The following SDCCAG8 variants were observed in gnomAD, a reference collection of about 807,000 sequenced individuals.
SDCCAG8 encodes serologically defined colon cancer antigen 8.
Under a neutral mutation model 101.8 loss-of-function variants are expected in SDCCAG8, and 74 were observed. The observed-to-expected ratio is 0.73, with a 90% confidence interval of 0.60 to 0.88. The LOEUF is 0.88. Ranked by LOEUF, SDCCAG8 falls within the 40% of genes least tolerant of loss-of-function variation. The probability of loss-of-function intolerance (pLI) is 0.00; values close to 1 mark genes in which losing one functional copy is unlikely to be tolerated. For missense variants in SDCCAG8, 787 were observed against 822.6 expected, an observed-to-expected ratio of 0.96 and a Z score of 0.53; for synonymous variants, 281 against 292.9, an observed-to-expected ratio of 0.96 and a Z score of 0.41.
chr1:243,264,639 G>A (rs1252656503), intron 1 of SDCCAG8, among the ~76,000 whole-genome samples: 1 of 152,036 alleles, frequency 6.6e-6, no homozygotes, highest in Non-Finnish European at 1.5e-5. Flanking sequence ...GAAAGAAAAT[G>A]GACAAGACAG....
intron 13 of SDCCAG8, among the ~76,000 whole-genome samples, chr1:243,402,039 G>T (rs772105973): frequency 6.6e-6 from 1 of 152,222 alleles, no homozygotes; most frequent in African/African-American, 2.4e-5. Context: ...CAAAGGAGTG[G>T]CACTCAGACC....
chr1:243,427,323 GTAATGGGGATTT>G (rs1286017484), intron 16 of SDCCAG8, among the ~76,000 whole-genome samples: 1 of 152,096 alleles, frequency 6.6e-6, no homozygotes, highest in Non-Finnish European at 1.5e-5. Context: ...TTTTTGTGCA[GTAATGGGGATTT>G]TTTTTTTGGC....
rs531165138 is a variant in SDCCAG8 at position 243,386,420 on chromosome 1, G to A, written c.1616+7557G>A. Among the ~76,000 whole-genome samples the A allele has an allele frequency of 6.7e-4, 102 of 152,242 alleles. 3 individuals are homozygous for A. The South Asian group carries it at 0.02, about 30-fold the overall frequency. On this transcript the variant is annotated intron_variant, in intron 13 of 17. Coordinates refer to ENST00000366541, the MANE Select transcript of SDCCAG8 (RefSeq NM_006642.5). ...ATAGAAATAAATGTTAGCTTCTTCC[G>A]GCCGGGCGCGGTGGCTCACGCCTGT...
intron 8 of SDCCAG8, among the ~76,000 whole-genome samples, chr1:243,309,054 C>G (rs987075712): frequency 6.6e-6 from 1 of 152,178 alleles, no homozygotes; most frequent in Non-Finnish European, 1.5e-5. Flanking sequence ...CGATTTTGCT[C>G]CATGTCCTGA....
At chr1:243,481,997 A>C (rs1321665481) in intron 16 of SDCCAG8, among the ~76,000 whole-genome samples, 1 of 152,226 alleles carries the variant, frequency 6.6e-6, no homozygotes, top group Non-Finnish European at 1.5e-5. Context: ...TAGGTTCACA[A>C]GTGTTCATTT....
intron 16 of SDCCAG8, among the ~76,000 whole-genome samples, chr1:243,445,405 T>G (rs1183367978): frequency 1.3e-5 from 2 of 152,248 alleles, no homozygotes; most frequent in Non-Finnish European, 2.9e-5. Context: ...ACTCAATAAC[T>G]TATATGCTTC....
intron 12 of SDCCAG8, among the ~76,000 whole-genome samples, chr1:243,358,495 C>T (rs2076518023): frequency 6.6e-6 from 1 of 152,072 alleles, no homozygotes; most frequent in Admixed American, 6.5e-5. Flanking sequence ...AACTGGAACT[C>T]CCCCATAAGT....
chr1:243,274,415 A>G, intron 3 of SDCCAG8, 128 bp from the exon 4 acceptor site: 1 of 618,980 alleles, frequency 1.6e-6, no homozygotes, highest in Non-Finnish European at 2.9e-6. Flanking sequence ...TTCTATGTTT[A>G]TATCACATCA....
chr1:243,488,816 C>T (rs946523835), intron 16 of SDCCAG8, among the ~76,000 whole-genome samples, 198 bp from the exon 17 acceptor site: 3 of 152,198 alleles, frequency 2.0e-5, no homozygotes, highest in African/African-American at 7.2e-5. Flanking sequence ...CCAGTTCCCA[C>T]GCACATTTGC....
chr1:243,345,170 C>T (rs936065460), intron 12 of SDCCAG8, among the ~76,000 whole-genome samples: 21 of 151,766 alleles, frequency 1.4e-4, no homozygotes, highest in Non-Finnish European at 2.7e-4. Context: ...GTTTCTAGTT[C>T]GAGGTTTTTC....
chr1:243,474,883 A>G lies in SDCCAG8; in HGVS notation c.1986-14131A>G, dbSNP rs748106447. On this transcript the variant is annotated intron_variant, in intron 16 of 17. Transcript: ENST00000366541. This position sits in a 1 kb window ranked among gnomAD's most constrained non-coding sequence, Gnocchi z 4.7. The stretch of plus-strand genomic sequence containing the variant: ...GAGACTGAAGCATTTTATTGGCAGC[A>G]TTTAGAATCGGGGAAAAATCTACCT... Among the ~76,000 whole-genome samples the G allele has an allele frequency of 1.2e-4, 18 of 152,228 alleles. No homozygotes were observed. The highest frequency in any genetic ancestry group is 7.2e-4 in the Admixed American group (11 of 15,286).
At chr1:243,326,914 C>G (rs2074186633) in intron 9 of SDCCAG8, among the ~76,000 whole-genome samples, 1 of 152,126 alleles carries the variant, frequency 6.6e-6, no homozygotes, top group African/African-American at 2.4e-5. Flanking sequence ...AGTGCCTACC[C>G]TTTGGCTTAA....
intron 13 of SDCCAG8, among the ~76,000 whole-genome samples, chr1:243,384,558 A>G (rs902450701): frequency 6.6e-6 from 1 of 151,288 alleles, no homozygotes; most frequent in African/African-American, 2.4e-5. Context: ...AAAGTGCACC[A>G]GGCCTCTCAC....
At chr1:243,289,349 C>T (rs1236007011) in intron 5 of SDCCAG8, among the ~76,000 whole-genome samples, 2 of 152,128 alleles carry the variant, frequency 1.3e-5, no homozygotes, top group Admixed American at 1.3e-4. Flanking sequence ...TGGTGCCCAC[C>T]CAGATTAAGG....
At chr1:243,428,525 A>T (rs2081496588) in intron 16 of SDCCAG8, among the ~76,000 whole-genome samples, 1 of 152,178 alleles carries the variant, frequency 6.6e-6, no homozygotes, top group South Asian at 2.1e-4. Flanking sequence ...TTTTTTGGAG[A>T]TTTGCAACAA....
At chr1:243,295,776 C>T (rs970126386) in intron 6 of SDCCAG8, among the ~76,000 whole-genome samples, 3 of 152,110 alleles carry the variant, frequency 2.0e-5, no homozygotes, top group Non-Finnish European at 2.9e-5. Flanking sequence ...CATGTTTTCT[C>T]TCTTCCCTTT....
intron 5 of SDCCAG8, among the ~76,000 whole-genome samples, chr1:243,291,505 C>T (rs770453716): frequency 1.1e-4 from 17 of 152,222 alleles, no homozygotes; most frequent in Non-Finnish European, 2.2e-4. Flanking sequence ...GTCACAGAGC[C>T]TACTCTTCTT....
chr1:243,422,383 A>G (rs1000998143), intron 15 of SDCCAG8, among the ~76,000 whole-genome samples: 1 of 152,208 alleles, frequency 6.6e-6, no homozygotes. Flanking sequence ...GGCTAGAGCA[A>G]TGATCCCGGT....
Position 243,362,642 on chromosome 1 carries a change from A to G in SDCCAG8, c.1474-16079A>G, listed in dbSNP as rs1189654935. On this transcript the variant is annotated intron_variant, in intron 12 of 17. Transcript: ENST00000366541. ...ACTAATAATTACTAGTTTTACTAAT[A>G]CTGTGATCCTTAGCTTTTCCACCTT... Among the ~76,000 whole-genome samples the G allele has an allele frequency of 3.3e-5, 5 of 152,344 alleles. No individual in the cohort carries two copies. In the South Asian group the frequency reaches 1.0e-3, roughly 32 times the overall value.
Sources: allele counts gnomAD v4.1 joint callset (sites outside exome capture counted in the v4.1 genomes callset), GRCh38; gene constraint gnomAD v4.1.1; non-coding constraint Gnocchi (gnomAD v3.1); transcripts MANE v1.5; gene names NCBI Gene and HGNC (gene_info 2026-07-23, HGNC 2026-07-21).